Variants in SRI observed in about 807,000 individuals in gnomAD.
SRI encodes 22 kDa protein.
In SRI, 30 loss-of-function variants were observed where a neutral mutation model predicts 33.3. The ratio of observed to expected loss-of-function variants is 0.90; its 90% CI spans 0.67 to 1.22. SRI has a LOEUF of 1.22. Ranked by LOEUF, SRI falls within the 50% of genes most tolerant of loss-of-function variation. The pLI is 0.00. For missense variants in SRI, 243 were observed against 250.8 expected, an observed-to-expected ratio of 0.97 and a Z score of 0.21; for synonymous variants, 75 against 89.9, an observed-to-expected ratio of 0.83 and a Z score of 0.94.
chr7:88,219,365 G>C (rs1000955586), intron 1 of SRI: 1 of 251,982 alleles, frequency 4.0e-6, no homozygotes. Flanking sequence ...GTGTAGCCTA[G>C]GGAAGAGTAA....
Position 88,217,114 on chromosome 7 carries a change from C to T in SRI, c.205+8G>A, listed in dbSNP as rs1450227197. The T allele has an allele frequency of 5.0e-6, 8 of 1,613,352 alleles. No individual in the cohort carries two copies. The highest frequency in any genetic ancestry group is 1.3e-5 in the African/African-American group (1 of 74,888). On this transcript the variant is annotated splice_region_variant and intron_variant, in intron 3 of 7. Coordinates refer to ENST00000265729, the MANE Select transcript of SRI (RefSeq NM_003130.4). ...ATATTTAGACAAACTTTGGGACTGT[C>T]AACTTACGTTTGTATCCTCCAGCAA...
chr7:88,206,605 A>G (rs1851443926), intron 7 of SRI, 101 bp from the exon 8 acceptor site: 6 of 1,307,746 alleles, frequency 4.6e-6, no homozygotes, highest in Admixed American at 1.7e-5. Context: ...GAACACGGGT[A>G]AAACAACCCC....
At chr7:88,211,026 TTTA>T (rs1851565144) in intron 3 of SRI, 101 bp from the exon 4 acceptor site, 2 of 917,108 alleles carry the variant, frequency 2.2e-6, no homozygotes, top group Non-Finnish European at 1.7e-6. Flanking sequence ...ATTATACACT[TTTA>T]TTTTTATATG....
intron 3 of SRI, 60 bp from the exon 4 acceptor site, chr7:88,210,985 G>T: frequency 1.6e-6 from 2 of 1,264,822 alleles, no homozygotes; most frequent in South Asian, 1.2e-5. Context: ...ACATTACACT[G>T]GATACATTCA....
In SRI at chr7:88,217,161, T is replaced by C; in HGVS notation, c.166A>G (p.Arg56Gly). ...GCAATGCCAGACTGTGTCAGACATC[T>C]CTGCAATTCATCAGCATCTATCTGC... ...DGQIDADELQ[R>G]CLTQSGIAGG... The change falls in exon 3 of 8, where the codon AGA (arginine) becomes GGA (glycine). Residue 56 changes from arginine to glycine, a missense_variant. By Grantham distance (125) the Arg-to-Gly change is moderately radical. Transcript: ENST00000265729. 6.2e-7 allele frequency: 1 copy of C among 1,613,166 alleles called. No homozygotes were observed. The highest frequency in any genetic ancestry group is 8.5e-7 in the Non-Finnish European group (1 of 1,180,030).
intron 1 of SRI, among the ~76,000 whole-genome samples, chr7:88,225,679 C>T (rs1341685868): frequency 2.0e-5 from 3 of 152,192 alleles, no homozygotes; most frequent in African/African-American, 4.8e-5. Context: ...CTCAACCTCA[C>T]GCTATTCTCT....
At chr7:88,222,259 C>CCA (rs1312099003), upstream of SRI, among the ~76,000 whole-genome samples, 2 of 150,566 alleles carry the variant, frequency 1.3e-5, no homozygotes, top group African/African-American at 4.9e-5. Flanking sequence ...TGAGGAATCG[C>CCA]CACACTGACT....
intron 3 of SRI, among the ~76,000 whole-genome samples, chr7:88,213,563 G>C (rs926967476): frequency 1.3e-5 from 2 of 152,148 alleles, no homozygotes; most frequent in Admixed American, 1.3e-4. Context: ...ACTCCTGTCT[G>C]GGTTATGTGC....
At chr7:88,210,536 G>A (rs1310238712) in intron 4 of SRI, 6 of 386,676 alleles carry the variant, frequency 1.6e-5, no homozygotes, top group Non-Finnish European at 2.9e-5. Context: ...GAATGCACTG[G>A]ATAGTCAGCA....
intron 3 of SRI, among the ~76,000 whole-genome samples, chr7:88,214,227 C>A (rs1851652437): frequency 6.6e-6 from 1 of 152,088 alleles, no homozygotes; most frequent in African/African-American, 2.4e-5. Context: ...AGCTAAGGAC[C>A]AGCATAAGCA....
rs73397635 is a variant in SRI at position 88,214,876 on chromosome 7, T to A, written c.205+2246A>T. ...CTTCTCACAGAAACATACAATATAA[T>A]GGACCTAGAAGGAAAGCCCTACCTC... is the stretch of plus-strand genomic sequence containing the variant. On this transcript the variant is annotated intron_variant, in intron 3 of 7. Transcript: ENST00000265729. 6.1e-3 allele frequency: 7,570 copies of A among 1,246,746 alleles called. 365 individuals are homozygous for A. In the African/African-American group the frequency reaches 0.1, roughly 17 times the overall value. 77.2% of individuals were successfully genotyped at this position (1,246,746 alleles called of 1,614,324 possible).
At chr7:88,213,368 T>C (rs1851626933) in intron 3 of SRI, among the ~76,000 whole-genome samples, 1 of 152,220 alleles carries the variant, frequency 6.6e-6, no homozygotes, top group South Asian at 2.1e-4. Flanking sequence ...CTCTTACTCT[T>C]GTTCAACCCC....
chr7:88,210,904 C>A lies in SRI; in HGVS notation c.227G>T (p.Arg76Leu). 1 of 1,613,450 alleles carries A rather than the reference C, an allele frequency of 6.2e-7. No individual in the cohort carries two copies. The highest frequency in any genetic ancestry group is 8.5e-7 in the Non-Finnish European group (1 of 1,179,712). The change falls in exon 4 of 8, where the codon CGG (arginine) becomes CTG (leucine). Residue 76 changes from arginine to leucine, a missense_variant. By Grantham distance (102) the Arg-to-Leu change is moderately radical (BLOSUM62 -2). Transcript: ENST00000265729. ...TACATCCAGCATTGAAACCATAAGC[C>A]GGCAAGTCTCCAGGTTAAAAGCTGT... is the stretch of plus-strand genomic sequence containing the variant. ...GYKPFNLETC[R>L]LMVSMLDRDM...
At chr7:88,225,025 T>C (rs1851965855), upstream of SRI, among the ~76,000 whole-genome samples, 2 of 152,200 alleles carry the variant, frequency 1.3e-5, 1 homozygote, top group South Asian at 4.1e-4. Context: ...TCCCTGGAAC[T>C]CAGAGAAAGC....
At chr7:88,213,238 G>A (rs1387024767) in intron 3 of SRI, among the ~76,000 whole-genome samples, 1 of 152,152 alleles carries the variant, frequency 6.6e-6, no homozygotes, top group Non-Finnish European at 1.5e-5. Flanking sequence ...TTTACAGTCA[G>A]GGGTAGTATG....
In SRI at chr7:88,210,375, T is replaced by C. The variant is rs17150369; in HGVS notation, c.250-245A>G. 76,793 of 519,352 alleles carry C rather than the reference T, an allele frequency of 0.15. 6,426 individuals carry two copies. The highest frequency in any genetic ancestry group is 0.18 in the Non-Finnish European group (53,377 of 291,332). The allele number at this position is 519,352 out of a possible 1,614,324, so 32.2% of individuals were successfully genotyped here. A position where few individuals can be genotyped will look rare whatever the true frequency, so the allele number is the denominator to read the frequency against. On this transcript the variant is annotated intron_variant, in intron 4 of 7. Coordinates refer to ENST00000265729, the MANE Select transcript of SRI (RefSeq NM_003130.4). ...TGATTATAAGGAAATAGCGTTGCCA[T>C]TGTGAACCACTTATAAAAAGCGGTC...
In SRI at chr7:88,220,029, T is replaced by A; in HGVS notation, c.-3A>T. 2 of 1,527,988 alleles carry A rather than the reference T, an allele frequency of 1.3e-6. No individual in the cohort carries two copies. Among genetic ancestry groups the A allele is most frequent in the Non-Finnish European group, 1.7e-6 (2 of 1,143,566 alleles). 94.7% of individuals were successfully genotyped at this position (1,527,988 alleles called of 1,614,324 possible). On this transcript the variant is annotated 5_prime_UTR_variant, in exon 1 of 8. Coordinates refer to ENST00000265729, the MANE Select transcript of SRI (RefSeq NM_003130.4). ...CCAGGATGCCCCGGGTACGCCATGC[T>A]GCAGACTGCGCCGCAGCCGCCCTCG...
chr7:88,220,039 G>A (rs1165788273), upstream of SRI: 6 of 1,524,254 alleles, frequency 3.9e-6, no homozygotes, highest in African/African-American at 4.2e-5. Context: ...TGCAGACTGC[G>A]CCGCAGCCGC....
intron 2 of SRI, 86 bp downstream of exon 2, chr7:88,218,773 G>A: frequency 7.7e-7 from 1 of 1,290,774 alleles, no homozygotes; most frequent in Admixed American, 1.7e-5. Flanking sequence ...AGTACCACAG[G>A]AAGTTCGCTT....
Sources: gnomAD v4.1 joint callset for allele counts (sites outside exome capture counted in the v4.1 genomes callset) on GRCh38, gnomAD v4.1.1 for gene constraint, MANE v1.5 for transcripts, NCBI Gene and HGNC (gene_info 2026-07-23, HGNC 2026-07-21) for gene names.